The following EMILIN3 variants were observed in gnomAD, a reference collection of about 807,000 sequenced individuals.
EMILIN3 encodes the protein elastin microfibril interfacer 3.
In EMILIN3, 38 loss-of-function variants were observed where a neutral mutation model predicts 42.8. The ratio of observed to expected loss-of-function variants is 0.89; its 90% CI spans 0.69 to 1.16. The LOEUF (loss-of-function observed/expected upper bound fraction) is 1.16, where lower values mean the gene tolerates loss of function less well. Among genes scored for constraint, EMILIN3 ranks in the 50% most tolerant of loss-of-function variants. The pLI, the probability that EMILIN3 is intolerant of heterozygous loss-of-function variation, is 0.00. For synonymous variants in EMILIN3, 430 were observed against 440.5 expected, an observed-to-expected ratio of 0.98 and a Z score of 0.30; for missense variants, 924 against 999.5, an observed-to-expected ratio of 0.92 and a Z score of 1.02.
chr20:41,365,254 C>T, intron 1 of EMILIN3, 97 bp from the exon 2 acceptor site: 1 of 1,501,144 alleles, frequency 6.7e-7, no homozygotes, highest in Non-Finnish European at 9.0e-7. Context: ...AGCAGGACTC[C>T]AAACTCCCAT....
At chr20:41,364,895 A>T in intron 2 of EMILIN3, 140 bp downstream of exon 2, 1 of 1,313,232 alleles carries the variant, frequency 7.6e-7, no homozygotes, top group Non-Finnish European at 1.0e-6. Flanking sequence ...GCCGCCTTCT[A>T]CTCTGGCCTG....
At chr20:41,364,444 C>A (rs1017474366) in intron 2 of EMILIN3, among the ~76,000 whole-genome samples, 3 of 152,168 alleles carry the variant, frequency 2.0e-5, no homozygotes, top group African/African-American at 7.2e-5. Flanking sequence ...CAGGCAGGCT[C>A]GCGAGGGTCC....
At position 41,366,555 on chromosome 20, in the gene EMILIN3, A is replaced by G; in HGVS notation, c.80T>C (p.Leu27Pro). Reference protein sequence around the residue: ...LSGAQARGTPLLARPAPPGAS... With the variant: ...LSGAQARGTPPLARPAPPGAS... ...ACCGGGCGGCGCAGGCCGCGCCAGG[A>G]GCGGGGTGCCCCTGGCCTGCGCCCC... The change falls in exon 1 of 4, where the codon CTC (leucine) becomes CCC (proline). Residue 27 changes from leucine to proline, a missense_variant. Coordinates refer to ENST00000332312, the MANE Select transcript of EMILIN3 (RefSeq NM_052846.2). This position sits in a 1 kb window ranked among gnomAD's most constrained non-coding sequence, Gnocchi z 4.2. 1 of 1,141,936 alleles carries G rather than the reference A, an allele frequency of 8.8e-7. No individual in the cohort carries two copies. Among genetic ancestry groups the G allele is most frequent in the Non-Finnish European group, 1.1e-6 (1 of 932,634 alleles). 70.7% of individuals were successfully genotyped at this position (1,141,936 alleles called of 1,614,324 possible).
At position 41,360,224 on chromosome 20, in the gene EMILIN3, AC is replaced by A. The variant is rs1296084607; in HGVS notation, c.*1043del. The A allele has an allele frequency of 6.6e-6, 1 of 152,184 alleles. No homozygotes were observed. Among genetic ancestry groups the A allele is most frequent in the Non-Finnish European group, 1.5e-5 (1 of 67,980 alleles). The allele number at this position is 152,184 out of a possible 1,614,324, so 9.4% of individuals were successfully genotyped here. ...TGATGGTTTCGTACCTGAATTTCTCACCTTTTGTGAACATCTTGGGAGGGTG... is the reference window on the plus strand; with the variant it reads ...TGATGGTTTCGTACCTGAATTTCTCACTTTTGTGAACATCTTGGGAGGGTG... On this transcript the variant is annotated 3_prime_UTR_variant, in exon 4 of 4. Transcript: ENST00000332312.
Position 41,363,727 on chromosome 20 carries a change from T to A in EMILIN3, c.425A>T (p.Gln142Leu). ...AGGAATCTGAGGCTCAGGCTCCAGC[T>A]GGGGTGAGGCAGCCCCATGGTCCGT... ...HLTDHGAASP[Q>L]LEPEPQIPSG... The change falls in exon 3 of 4, where the codon CAG (glutamine) becomes CTG (leucine). Residue 142 changes from glutamine (Q) to leucine (L), a missense_variant. Transcript: ENST00000332312. 3.1e-6 allele frequency: 5 copies of A among 1,614,086 alleles called. No individual in the cohort carries two copies. The highest frequency in any genetic ancestry group is 4.2e-6 in the Non-Finnish European group (5 of 1,180,018).
chr20:41,366,779 C>T lies in EMILIN3; in HGVS notation c.-145G>A, dbSNP rs958883854. ...CCTTCGGCCCCCGAGCTCGCTGGCC[C>T]GGCCGCCTGGCGCTTCGCGGCGGCT... On this transcript the variant is annotated 5_prime_UTR_variant, in exon 1 of 4. Transcript: ENST00000332312. The surrounding 1 kb of genome is among the most constrained non-coding windows in gnomAD (Gnocchi z 4.2). 4.6e-6 allele frequency: 2 copies of T among 435,714 alleles called. No homozygotes were observed. The highest frequency in any genetic ancestry group is 2.1e-5 in the African/African-American group (1 of 46,666). The allele number at this position is 435,714 out of a possible 1,614,324, so 27.0% of individuals were successfully genotyped here.
At position 41,360,909 on chromosome 20, in the gene EMILIN3, C is replaced by T. The variant is rs1032821242; in HGVS notation, c.*359G>A. 15 of 328,900 alleles carry T rather than the reference C, an allele frequency of 4.6e-5. No homozygotes were observed. The highest frequency in any genetic ancestry group is 3.3e-4 in the East Asian group (6 of 17,928). 20.4% of individuals were successfully genotyped at this position (328,900 alleles called of 1,614,324 possible). On this transcript the variant is annotated 3_prime_UTR_variant, in exon 4 of 4. Transcript: ENST00000332312. ...CAGGGTCCTCTCAAGGCCTTACATA[C>T]GGACACTGATCAAGGCCAGTTTGCC...
At position 41,360,853 on chromosome 20, in the gene EMILIN3, C is replaced by G; in HGVS notation, c.*415G>C. ...CTGGCTGTGGGCCTGTAGGTCTCTG[C>G]ACAGTTGCTGAGGCTGGTGCTGACT... On this transcript the variant is annotated 3_prime_UTR_variant, in exon 4 of 4. Transcript: ENST00000332312. 1 of 221,884 alleles carries G rather than the reference C, an allele frequency of 4.5e-6. No individual in the cohort carries two copies. Among genetic ancestry groups the G allele is most frequent in the Non-Finnish European group, 8.9e-6 (1 of 111,942 alleles). 13.7% of individuals were successfully genotyped at this position (221,884 alleles called of 1,614,324 possible). A position where few individuals can be genotyped will look rare whatever the true frequency, so the allele number is the denominator to read the frequency against.
Position 41,361,307 on chromosome 20 carries a change from G to A in EMILIN3, c.2262C>T (p.Ala754=), listed in dbSNP as rs764130908. ...CTGGCCGCACCTGCTCAGCCAGCTG[G>A]GCCTGGCAGTCCAGTAGGTCATCCC... is the stretch of plus-strand genomic sequence containing the variant. ...RLRDDLLDCQ[A]QLAEQVRPGQ... Residue 754 remains alanine (A), a synonymous_variant, in exon 4 of 4, where the codon GCC becomes GCT. Coordinates refer to ENST00000332312, the MANE Select transcript of EMILIN3 (RefSeq NM_052846.2). 6.2e-7 allele frequency: 1 copy of A among 1,603,012 alleles called. No homozygotes were observed. Among genetic ancestry groups the A allele is most frequent in the East Asian group, 2.2e-5 (1 of 44,570 alleles).
At position 41,362,329 on chromosome 20, in the gene EMILIN3, C is replaced by A. The variant is rs1363085597; in HGVS notation, c.1240G>T (p.Ala414Ser). Residue 414 changes from alanine (A) to serine (S), a missense_variant, in exon 4 of 4, where the codon GCC (alanine) becomes TCC (serine). By Grantham distance (99) the Ala-to-Ser change is moderately conservative. Coordinates refer to ENST00000332312, the MANE Select transcript of EMILIN3 (RefSeq NM_052846.2). ...CTCGTAAGCTCATCCCCGGCCGGGG[C>A]ACCGGGGCCCCTTTGGGTCTCGGTG... The part of the protein sequence containing the change: ...AVTETQRGPG[A>S]PAGDELTRLS... 2.5e-6 allele frequency: 4 copies of A among 1,611,704 alleles called. No homozygotes were observed. Among genetic ancestry groups the A allele is most frequent in the Non-Finnish European group, 3.4e-6 (4 of 1,179,902 alleles).
Position 41,361,045 on chromosome 20 carries a change from T to G in EMILIN3, c.*223A>C. On this transcript the variant is annotated 3_prime_UTR_variant, in exon 4 of 4. Transcript: ENST00000332312. The stretch of plus-strand genomic sequence containing the variant: ...TCAAGTCTACCCTGGCCTTCAAGCA[T>G]GACATCCTTGCCTTGACCGCTGTCC... 2 of 494,892 alleles carry G rather than the reference T, an allele frequency of 4.0e-6. No individual in the cohort carries two copies. 30.7% of individuals were successfully genotyped at this position (494,892 alleles called of 1,614,324 possible).
chr20:41,366,459 C>T lies in EMILIN3; in HGVS notation c.167+9G>A, dbSNP rs1000407103. The T allele has an allele frequency of 2.0e-4, 228 of 1,125,164 alleles. No individual in the cohort carries two copies. In the African/African-American group the frequency reaches 3.2e-3, roughly 16 times the overall value. The allele number at this position is 1,125,164 out of a possible 1,614,324, so 69.7% of individuals were successfully genotyped here. On this transcript the variant is annotated intron_variant, in intron 1 of 3. Coordinates refer to ENST00000332312, the MANE Select transcript of EMILIN3 (RefSeq NM_052846.2). This position sits in a 1 kb window ranked among gnomAD's most constrained non-coding sequence, Gnocchi z 4.2. ...TCCCTCTTCCCGCCCGCCGCCCGCC[C>T]GCGCTTACTTGTGCGGCCCCGGGCG...
At position 41,361,134 on chromosome 20, in the gene EMILIN3, A is replaced by G; in HGVS notation, c.*134T>C. 1 of 845,168 alleles carries G rather than the reference A, an allele frequency of 1.2e-6. No homozygotes were observed. The highest frequency in any genetic ancestry group is 1.8e-6 in the Non-Finnish European group (1 of 562,856). The allele number at this position is 845,168 out of a possible 1,614,324, so 52.4% of individuals were successfully genotyped here. ...GGTGGCTGGGACAGCCACGTGGAGG[A>G]TTCCCTCAGTGGCCTCCTTAGTGCC... On this transcript the variant is annotated 3_prime_UTR_variant, in exon 4 of 4. Transcript: ENST00000332312.
rs1442820571 is a variant in EMILIN3 at position 41,362,339 on chromosome 20, C to A, written c.1230G>T (p.Arg410Ser). The A allele has an allele frequency of 6.2e-7, 1 of 1,610,808 alleles. No homozygotes were observed. The highest frequency in any genetic ancestry group is 8.5e-7 in the Non-Finnish European group (1 of 1,179,950). Residue 410 changes from arginine to serine, a missense_variant, in exon 4 of 4, where the codon AGG (arginine) becomes AGT (serine). Transcript: ENST00000332312. ...RALQAVTETQ[R>S]GPGAPAGDEL... ...CATCCCCGGCCGGGGCACCGGGGCCCCTTTGGGTCTCGGTGACTGCCTGCA... is the reference window on the plus strand; with the variant it reads ...CATCCCCGGCCGGGGCACCGGGGCCACTTTGGGTCTCGGTGACTGCCTGCA...
chr20:41,362,350 C>G lies in EMILIN3; in HGVS notation c.1219G>C (p.Glu407Gln). The change falls in exon 4 of 4, where the codon GAG (glutamate) becomes CAG (glutamine). Residue 407 changes from glutamate to glutamine, a missense_variant. Glu to Gln is a conservative substitution (Grantham distance 29). Coordinates refer to ENST00000332312, the MANE Select transcript of EMILIN3 (RefSeq NM_052846.2). Reference sequence around the variant, plus strand: ...GGGGCACCGGGGCCCCTTTGGGTCTCGGTGACTGCCTGCAGGGCCCTCTCA... The same window carrying G: ...GGGGCACCGGGGCCCCTTTGGGTCTGGGTGACTGCCTGCAGGGCCCTCTCA... ...GLERALQAVT[E>Q]TQRGPGAPAG... The G allele has an allele frequency of 2.5e-6, 4 of 1,609,094 alleles. No individual in the cohort carries two copies. The highest frequency in any genetic ancestry group is 3.4e-6 in the Non-Finnish European group (4 of 1,179,960).
chr20:41,366,524 G>T lies in EMILIN3; in HGVS notation c.111C>A (p.Ser37=). Residue 37 remains serine, a synonymous_variant, in exon 1 of 4, where the codon TCC becomes TCA. Transcript: ENST00000332312. The surrounding 1 kb of genome is among the most constrained non-coding windows in gnomAD (Gnocchi z 4.2). ...ATCCCGTCGTGTAGAGACTGTAGCG[G>T]GAGGCACCGGGCGGCGCAGGCCGCG... The part of the protein sequence containing the change: ...LLARPAPPGA[S]RYSLYTTGWR... 8.6e-7 allele frequency: 1 copy of T among 1,158,936 alleles called. No homozygotes were observed. Among genetic ancestry groups the T allele is most frequent in the Non-Finnish European group, 1.1e-6 (1 of 942,756 alleles). 71.8% of individuals were successfully genotyped at this position (1,158,936 alleles called of 1,614,324 possible).
chr20:41,363,610 C>T (rs1292295921), intron 3 of EMILIN3, 28 bp downstream of exon 3: 1 of 1,580,962 alleles, frequency 6.3e-7, no homozygotes, highest in Non-Finnish European at 8.6e-7. Flanking sequence ...ACCCAATCAC[C>T]TTGGAGGGTC....
Position 41,361,654 on chromosome 20 carries a change from T to A in EMILIN3, c.1915A>T (p.Ser639Cys). Residue 639 changes from serine to cysteine, a missense_variant, in exon 4 of 4, where the codon AGC becomes TGC. Transcript: ENST00000332312. ...EVQAIQEQVSSQGSRLQAGHR... is the reference protein window; with the variant it reads ...EVQAIQEQVSCQGSRLQAGHR... ...CCAGCCTGAAGCCTGGAGCCTTGGC[T>A]GCTGACCTGCTCCTGGATGGCCTGG... is the stretch of plus-strand genomic sequence containing the variant. 1 of 1,606,390 alleles carries A rather than the reference T, an allele frequency of 6.2e-7. No homozygotes were observed. Among genetic ancestry groups the A allele is most frequent in the African/African-American group, 1.3e-5 (1 of 74,994 alleles).
chr20:41,362,847 C>A lies in EMILIN3; in HGVS notation c.722G>T (p.Arg241Ile). Residue 241 changes from arginine to isoleucine, a missense_variant, in exon 4 of 4, where the codon AGA becomes ATA. Transcript: ENST00000332312. ...GTCTAAGGGAGGTGTTAGTGGCCCT[C>A]TGGCTCTGTCTCCTGGGCCCACAAG... Reference protein sequence around the residue: ...EGLVGPGDRARGPLTPPLDEI... With the variant: ...EGLVGPGDRAIGPLTPPLDEI... 1.9e-6 allele frequency: 3 copies of A among 1,614,116 alleles called. No individual in the cohort carries two copies. In the East Asian group the frequency reaches 6.7e-5, roughly 36 times the overall value.
Sources: gnomAD v4.1 joint callset for allele counts (sites outside exome capture counted in the v4.1 genomes callset) on GRCh38, gnomAD v4.1.1 for gene constraint, Gnocchi (gnomAD v3.1) non-coding constraint, MANE v1.5 for transcripts, NCBI Gene and HGNC (gene_info 2026-07-23, HGNC 2026-07-21) for gene names.